Variants in USP25 observed in about 807,000 individuals in gnomAD.
The protein encoded by USP25 is ubiquitin carboxyl-terminal hydrolase 25.
Under a neutral mutation model 158.5 loss-of-function variants are expected in USP25, and 85 were observed. The ratio of observed to expected loss-of-function variants is 0.54; its 90% CI spans 0.45 to 0.64. The LOEUF is 0.64. Ranked by LOEUF, USP25 falls within the 30% of genes least tolerant of loss-of-function variation. The pLI, the probability that USP25 is intolerant of heterozygous loss-of-function variation, is 0.00. For missense variants in USP25, 1,242 were observed against 1,327.3 expected, an observed-to-expected ratio of 0.94 and a Z score of 1.00; for synonymous variants, 464 against 460.4, an observed-to-expected ratio of 1.01 and a Z score of -0.10.
At chr21:15,821,727 G>T (rs2037246793) in intron 10 of USP25, among the ~76,000 whole-genome samples, 1 of 151,872 alleles carries the variant, frequency 6.6e-6, no homozygotes, top group South Asian at 2.1e-4. Context: ...TTACATCCTG[G>T]CTTGGTTTGA....
intron 3 of USP25, among the ~76,000 whole-genome samples, chr21:15,774,446 A>G (rs866742268): frequency 2.6e-5 from 4 of 152,102 alleles, no homozygotes; most frequent in East Asian, 1.9e-4. Context: ...CATATTAATC[A>G]TTGTCAACAG....
At position 15,818,840 on chromosome 21, in the gene USP25, C is replaced by T; in HGVS notation, c.1074C>T (p.Gly358=). The change falls in exon 10 of 26, where the codon GGC becomes GGT. Residue 358 remains glycine (G), a synonymous_variant. Transcript: ENST00000400183. ...SLHSENSGKS[G]QEHWFTELPP... ...ATTCAGAGAATTCAGGAAAATCAGG[C>T]CAAGAGGTGAGTTTAACATTTTCAT... is the stretch of plus-strand genomic sequence containing the variant. 6.2e-7 allele frequency: 1 copy of T among 1,613,418 alleles called. No individual in the cohort carries two copies.
chr21:15,833,932 G>A (rs990067381), intron 17 of USP25, among the ~76,000 whole-genome samples: 2 of 151,924 alleles, frequency 1.3e-5, no homozygotes, highest in African/African-American at 4.8e-5. Context: ...ATTCAATAAA[G>A]CTATCAAGAG....
intron 23 of USP25, among the ~76,000 whole-genome samples, chr21:15,871,394 G>A (rs777702835): frequency 3.9e-5 from 6 of 152,146 alleles, no homozygotes; most frequent in South Asian, 4.2e-4. Flanking sequence ...TAATGTGATC[G>A]TATAATTCAA....
intron 14 of USP25, among the ~76,000 whole-genome samples, chr21:15,828,633 A>G (rs2037645512): frequency 1.3e-5 from 2 of 152,172 alleles, no homozygotes; most frequent in South Asian, 4.1e-4. Flanking sequence ...TCTTTTGGCC[A>G]TTTTAAGTTT....
At chr21:15,861,906 G>A (rs1249014124) in intron 20 of USP25, among the ~76,000 whole-genome samples, 1 of 152,108 alleles carries the variant, frequency 6.6e-6, no homozygotes, top group Non-Finnish European at 1.5e-5. Flanking sequence ...GAAAAATACT[G>A]TGACTTTGGC....
intron 24 of USP25, chr21:15,876,255 G>C (rs1363622690): frequency 6.6e-6 from 1 of 152,034 alleles, no homozygotes; most frequent in African/African-American, 2.4e-5. Flanking sequence ...TCCAAAAATT[G>C]TAGTAAATAC....
chr21:15,832,539 T>A (rs2037854452), intron 16 of USP25, among the ~76,000 whole-genome samples: 1 of 152,236 alleles, frequency 6.6e-6, no homozygotes, highest in Non-Finnish European at 1.5e-5. Context: ...TTTTCATAAT[T>A]GCATATTTAA....
intron 1 of USP25, among the ~76,000 whole-genome samples, chr21:15,739,067 C>T (rs1477937678): frequency 2.6e-5 from 4 of 152,152 alleles, no homozygotes; most frequent in South Asian, 4.1e-4. Context: ...TGCCCCCAGC[C>T]GAATAAACCC....
intron 1 of USP25, among the ~76,000 whole-genome samples, chr21:15,732,523 A>G (rs2031022689): frequency 6.6e-6 from 1 of 152,236 alleles, no homozygotes; most frequent in Admixed American, 6.5e-5. Flanking sequence ...AACAAAAGTG[A>G]AAGTCTGTTT....
At chr21:15,812,301 A>T (rs1449018643) in intron 9 of USP25, among the ~76,000 whole-genome samples, 1 of 152,112 alleles carries the variant, frequency 6.6e-6, no homozygotes, top group East Asian at 1.9e-4. Context: ...AATACCCTGC[A>T]TGAGCATTTC....
intron 3 of USP25, among the ~76,000 whole-genome samples, chr21:15,767,256 C>T (rs1031147709): frequency 5.3e-5 from 8 of 151,266 alleles, no homozygotes; most frequent in Non-Finnish European, 1.0e-4. Context: ...TATTTAATTT[C>T]TCTGTCTTTA....
At chr21:15,775,131 A>G (rs2034563085) in intron 3 of USP25, among the ~76,000 whole-genome samples, 1 of 152,116 alleles carries the variant, frequency 6.6e-6, no homozygotes, top group South Asian at 2.1e-4. Flanking sequence ...CATTTCTCAG[A>G]ATTTCAGTGA....
chr21:15,736,179 C>G (rs573916178), intron 1 of USP25, among the ~76,000 whole-genome samples: 12 of 151,934 alleles, frequency 7.9e-5, no homozygotes, highest in Non-Finnish European at 1.6e-4. Context: ...CTCACTGCAA[C>G]TTCTGCCTCC....
chr21:15,735,515 T>C (rs927840917), intron 1 of USP25, among the ~76,000 whole-genome samples: 3 of 152,222 alleles, frequency 2.0e-5, no homozygotes, highest in Admixed American at 1.3e-4. Flanking sequence ...CATTCGCAGA[T>C]TTTGGCCTCT....
intron 8 of USP25, 76 bp downstream of exon 8, chr21:15,808,961 T>A: frequency 1.8e-6 from 2 of 1,087,110 alleles, no homozygotes; most frequent in Non-Finnish European, 2.7e-6. Flanking sequence ...AACAGAGAAA[T>A]AAGAAATCAA....
rs2033822164 is a variant in USP25 at position 15,762,976 on chromosome 21, C to T, written c.123+8C>T. ...CTACAGCAAGCCTTGAAGGTATGGC[C>T]TCTGTTTTATGATATACAGTTTGTG... On this transcript the variant is annotated splice_region_variant and intron_variant, in intron 2 of 25. Transcript: ENST00000400183. 1 of 1,608,426 alleles carries T rather than the reference C, an allele frequency of 6.2e-7. No individual in the cohort carries two copies. Among genetic ancestry groups the T allele is most frequent in the Middle Eastern group, 1.7e-4 (1 of 6,034 alleles).
chr21:15,761,531 G>A (rs1475092635), intron 1 of USP25, among the ~76,000 whole-genome samples: 2 of 152,200 alleles, frequency 1.3e-5, no homozygotes, highest in African/African-American at 4.8e-5. Flanking sequence ...GCAAAACGGT[G>A]GAGTTTAACT....
rs73892551 is a variant in USP25, at chr21:15,836,924, G to A, written c.2194+3376G>A. Among the ~76,000 whole-genome samples, 571 of 149,086 alleles carry A rather than the reference G, an allele frequency of 3.8e-3. 2 individuals carry two copies. The highest frequency in any genetic ancestry group is 0.014 in the African/African-American group (550 of 40,236). ...AGCCATCCTTTGCTGTCAGTGTAGG[G>A]AACAGAGTGAGTAGGGGAGCAAACT... On this transcript the variant is annotated intron_variant, in intron 17 of 25. Transcript: ENST00000400183.
Sources: gnomAD v4.1 joint callset for allele counts (sites outside exome capture counted in the v4.1 genomes callset) on GRCh38, gnomAD v4.1.1 for gene constraint, MANE v1.5 for transcripts, NCBI Gene and HGNC (gene_info 2026-07-23, HGNC 2026-07-21) for gene names.